Variants in HPSE2 observed in about 807,000 individuals in gnomAD.
HPSE2 encodes inactive heparanase-2.
HPSE2 carries 38 observed loss-of-function variants against 60.5 expected under a neutral mutation model. The ratio of observed to expected loss-of-function variants is 0.63; its 90% CI spans 0.48 to 0.82. The LOEUF is 0.82. Among genes scored for constraint, HPSE2 ranks in the 40% least tolerant of loss-of-function variants. The pLI is 0.00. For missense variants in HPSE2, 713 were observed against 740.4 expected (o/e 0.96, Z 0.43); for synonymous variants, 295 against 293.2 (o/e 1.01, Z -0.06).
At chr10:98,745,153 G>A (rs10883186) in intron 3 of HPSE2, among the ~76,000 whole-genome samples, 5,767 of 152,250 alleles carry the variant, frequency 0.038, 240 homozygotes, top group East Asian at 0.17. Context: ...GGTAAGCCGC[G>A]ATTGCGCCAC....
At chr10:98,917,660 C>T (rs79837658) in intron 3 of HPSE2, among the ~76,000 whole-genome samples, 2 of 152,110 alleles carry the variant, frequency 1.3e-5, no homozygotes, top group African/African-American at 4.8e-5. Flanking sequence ...ATAAATGGTA[C>T]CTACCCTTAT....
intron 3 of HPSE2, among the ~76,000 whole-genome samples, chr10:99,055,999 G>C (rs1433717104): frequency 6.6e-6 from 1 of 151,882 alleles, no homozygotes; most frequent in Non-Finnish European, 1.5e-5. Flanking sequence ...GCAAACAATA[G>C]AACAAATTAA....
chr10:98,473,438 T>C (rs1327063302), intron 11 of HPSE2, among the ~76,000 whole-genome samples: 2 of 141,192 alleles, frequency 1.4e-5, no homozygotes, highest in Non-Finnish European at 3.0e-5. Context: ...TGAGCCGAGA[T>C]TGCACCACTG....
chr10:99,003,026 C>T (rs1036301254), intron 3 of HPSE2, among the ~76,000 whole-genome samples: 1 of 152,064 alleles, frequency 6.6e-6, no homozygotes, highest in African/African-American at 2.4e-5. Flanking sequence ...CCCATCCTCC[C>T]TATCCCCTGG....
chr10:98,956,055 C>T (rs1403849483), intron 3 of HPSE2, among the ~76,000 whole-genome samples: 4 of 152,066 alleles, frequency 2.6e-5, no homozygotes, highest in Non-Finnish European at 4.4e-5. Flanking sequence ...CCATGGCACA[C>T]GTTTACCCAT....
At chr10:98,572,222 G>A (rs1458522171) in intron 9 of HPSE2, among the ~76,000 whole-genome samples, 1 of 152,134 alleles carries the variant, frequency 6.6e-6, no homozygotes, top group Non-Finnish European at 1.5e-5. Context: ...TTACAGGCGT[G>A]AGCCACTGTG....
At chr10:98,710,404 T>C (rs1948647853) in intron 5 of HPSE2, among the ~76,000 whole-genome samples, 1 of 152,190 alleles carries the variant, frequency 6.6e-6, no homozygotes, top group African/African-American at 2.4e-5. Flanking sequence ...CTTTAATGGC[T>C]AGTGCAGATC....
intron 3 of HPSE2, among the ~76,000 whole-genome samples, chr10:98,913,804 A>G (rs1233768756): frequency 1.3e-5 from 2 of 152,198 alleles, no homozygotes; most frequent in South Asian, 4.1e-4. Flanking sequence ...ATTTAAAAGC[A>G]GATTTCTTGA....
intron 3 of HPSE2, among the ~76,000 whole-genome samples, chr10:98,898,222 CATAG>C (rs1953552925): frequency 6.6e-6 from 1 of 152,170 alleles, no homozygotes; most frequent in Non-Finnish European, 1.5e-5. Flanking sequence ...CAATCACACT[CATAG>C]ATATTCACCC....
intron 2 of HPSE2, among the ~76,000 whole-genome samples, chr10:99,179,546 ACT>A: frequency 6.6e-6 from 1 of 152,188 alleles, no homozygotes; most frequent in Non-Finnish European, 1.5e-5. Context: ...TAGGAATCCA[ACT>A]TACAAGGGAT....
chr10:98,905,473 C>T (rs1433702303), intron 3 of HPSE2, among the ~76,000 whole-genome samples: 13 of 151,962 alleles, frequency 8.6e-5, no homozygotes, highest in Admixed American at 8.5e-4. Context: ...GTGGGGGGAA[C>T]AAACTAAACT....
chr10:99,072,281 A>C (rs931966179), intron 3 of HPSE2, among the ~76,000 whole-genome samples: 2 of 152,160 alleles, frequency 1.3e-5, no homozygotes, highest in African/African-American at 2.4e-5. Flanking sequence ...ATTTGCAACT[A>C]AAGCAAAAAT....
chr10:98,688,485 T>C (rs1253185554), intron 6 of HPSE2, among the ~76,000 whole-genome samples: 1 of 136,688 alleles, frequency 7.3e-6, no homozygotes, highest in East Asian at 2.0e-4. Context: ...TTCTTTTTTT[T>C]TTTTTTTTGA....
intron 3 of HPSE2, among the ~76,000 whole-genome samples, chr10:99,092,466 T>C (rs1419230268): frequency 2.0e-5 from 3 of 152,180 alleles, no homozygotes; most frequent in Admixed American, 6.5e-5. Context: ...TTGAAAATAA[T>C]GTCAATTTAC....
At position 98,621,240 on chromosome 10, in the gene HPSE2, G is replaced by A. The variant is rs186200221; in HGVS notation, c.1099-532C>T. Among the ~76,000 whole-genome samples the A allele has an allele frequency of 2.8e-4, 43 of 152,122 alleles. No individual in the cohort carries two copies. In the East Asian group the frequency reaches 8.2e-3, roughly 29 times the overall value. On this transcript the variant is annotated intron_variant, in intron 7 of 11. Coordinates refer to ENST00000370552, the MANE Select transcript of HPSE2 (RefSeq NM_021828.5). ...CACACTTTGAAAATAACTGCAGTAAGGGTAAAAAGAAAAGTCACTGGCCCA... is the reference window on the plus strand; with the variant it reads ...CACACTTTGAAAATAACTGCAGTAAAGGTAAAAAGAAAAGTCACTGGCCCA...
intron 7 of HPSE2, among the ~76,000 whole-genome samples, chr10:98,640,685 C>A (rs768503344): frequency 8.5e-5 from 13 of 152,076 alleles, no homozygotes; most frequent in Non-Finnish European, 1.6e-4. Flanking sequence ...TTAATCCGCT[C>A]GAGAAATAGC....
At chr10:98,669,090 T>A (rs1395255231) in intron 6 of HPSE2, among the ~76,000 whole-genome samples, 1 of 152,032 alleles carries the variant, frequency 6.6e-6, no homozygotes, top group Non-Finnish European at 1.5e-5. Context: ...GAAGAGATGC[T>A]TATCAAAAGA....
chr10:98,867,661 A>C (rs187422038), intron 3 of HPSE2, among the ~76,000 whole-genome samples: 1 of 152,198 alleles, frequency 6.6e-6, no homozygotes, highest in South Asian at 2.1e-4. Context: ...CCAAAGAAAG[A>C]AAATTAGTAT....
At chr10:99,287,974 T>C in the HPSE2 span, among the ~76,000 whole-genome samples, 1 of 152,220 alleles carries the variant, frequency 6.6e-6, no homozygotes. Flanking sequence ...TAGATTCTTC[T>C]AGAAGCTGTA....
Sources: gnomAD v4.1 joint callset for allele counts (sites outside exome capture counted in the v4.1 genomes callset) on GRCh38, gnomAD v4.1.1 for gene constraint, MANE v1.5 for transcripts, NCBI Gene and HGNC (gene_info 2026-07-23, HGNC 2026-07-21) for gene names.